KCNB2: variants seen among roughly 807,000 people sequenced by gnomAD.
The protein encoded by KCNB2 is delayed rectifier potassium channel protein.
A neutral mutation model predicts 61.5 loss-of-function variants in KCNB2; 15 were observed. That is an observed-to-expected ratio of 0.24 (90% CI 0.16 to 0.38). KCNB2 has a LOEUF of 0.38. KCNB2 is among the 10% of genes least tolerant of loss of function. The pLI is 1.00. For synonymous variants in KCNB2, 457 were observed against 446.0 expected, an observed-to-expected ratio of 1.02 and a Z score of -0.31; for missense variants, 828 against 1,125.2, an observed-to-expected ratio of 0.74 and a Z score of 3.78.
At chr8:72,718,231 T>A (rs1041772880) in intron 2 of KCNB2, among the ~76,000 whole-genome samples, 1 of 152,170 alleles carries the variant, frequency 6.6e-6, no homozygotes, top group Non-Finnish European at 1.5e-5. Flanking sequence ...GTAAACTAGT[T>A]CAACTATTGT....
chr8:72,788,980 A>T (rs1052096242), intron 2 of KCNB2, among the ~76,000 whole-genome samples: 2 of 152,160 alleles, frequency 1.3e-5, no homozygotes, highest in Admixed American at 6.5e-5. Context: ...TTCATTAAAA[A>T]TGTATTGATT....
chr8:72,827,992 T>C (rs1342366790), intron 2 of KCNB2, among the ~76,000 whole-genome samples: 1 of 152,078 alleles, frequency 6.6e-6, no homozygotes, highest in Non-Finnish European at 1.5e-5. Flanking sequence ...TTTGTATTTT[T>C]AGTAGAGACG....
chr8:72,840,642 A>G (rs566841970), intron 2 of KCNB2, among the ~76,000 whole-genome samples: 2 of 152,256 alleles, frequency 1.3e-5, no homozygotes, highest in South Asian at 2.1e-4. Flanking sequence ...TTTGATTTGC[A>G]TTTCTCTAAT....
chr8:72,788,742 A>G (rs1808885072), intron 2 of KCNB2, among the ~76,000 whole-genome samples: 1 of 152,168 alleles, frequency 6.6e-6, no homozygotes, highest in Non-Finnish European at 1.5e-5. Context: ...ACCATTCACT[A>G]TATGAAATTG....
chr8:72,551,054 G>GTGAT (rs1806338126), intron 1 of KCNB2, among the ~76,000 whole-genome samples: 2 of 152,128 alleles, frequency 1.3e-5, no homozygotes, highest in Non-Finnish European at 2.9e-5. Context: ...GGAAGACAGG[G>GTGAT]TGATGTTCAC....
intron 1 of KCNB2, among the ~76,000 whole-genome samples, chr8:72,540,523 T>G (rs1380788375): frequency 2.6e-5 from 4 of 152,154 alleles, no homozygotes; most frequent in Non-Finnish European, 5.9e-5. Context: ...TTGTTTGTTT[T>G]TTTTAAGGCT....
intron 2 of KCNB2, among the ~76,000 whole-genome samples, chr8:72,925,238 G>A (rs1806617707): frequency 6.6e-6 from 1 of 152,178 alleles, no homozygotes; most frequent in Non-Finnish European, 1.5e-5. Context: ...CCGACTAGGT[G>A]TCCAAGGAAC....
chr8:72,718,268 G>C (rs1156651921), intron 2 of KCNB2, among the ~76,000 whole-genome samples: 1 of 152,148 alleles, frequency 6.6e-6, no homozygotes, highest in East Asian at 1.9e-4. Context: ...ATTCCTCAGG[G>C]ATCTAGAACT....
chr8:72,823,996 C>G (rs1279411059), intron 2 of KCNB2, among the ~76,000 whole-genome samples: 1 of 152,154 alleles, frequency 6.6e-6, no homozygotes, highest in Non-Finnish European at 1.5e-5. Context: ...TCACAATAAG[C>G]CTTTTTTAAA....
chr8:72,676,556 T>G (rs1396473324), intron 2 of KCNB2, among the ~76,000 whole-genome samples: 1 of 150,878 alleles, frequency 6.6e-6, no homozygotes. Context: ...ACTCCTTAAT[T>G]CTTAGATTGT....
At chr8:72,676,906 T>TGG (rs1174673150) in intron 2 of KCNB2, among the ~76,000 whole-genome samples, 1 of 152,168 alleles carries the variant, frequency 6.6e-6, no homozygotes, top group Non-Finnish European at 1.5e-5. Context: ...TATTAAGGGC[T>TGG]GAATTTTGTC....
At chr8:72,771,338 A>G (rs1216694633) in intron 2 of KCNB2, among the ~76,000 whole-genome samples, 1 of 152,216 alleles carries the variant, frequency 6.6e-6, no homozygotes, top group Non-Finnish European at 1.5e-5. Flanking sequence ...GCCTGCCTGC[A>G]GATAAAGTGA....
chr8:72,614,934 G>A (rs1437026796), intron 2 of KCNB2, among the ~76,000 whole-genome samples: 6 of 152,054 alleles, frequency 3.9e-5, no homozygotes, highest in Admixed American at 2.6e-4. Flanking sequence ...TATCAAACAA[G>A]CAGAGGCTAT....
intron 2 of KCNB2, among the ~76,000 whole-genome samples, chr8:72,766,542 CA>C (rs1808462447): frequency 1.3e-5 from 2 of 152,248 alleles, no homozygotes; most frequent in South Asian, 4.1e-4. Context: ...TGAGATTTCC[CA>C]AACAGTTTCA....
At position 72,567,640 on chromosome 8, in the gene KCNB2, A is replaced by G; in HGVS notation, c.-93-2A>G. The G allele has an allele frequency of 1.3e-6, 1 of 786,444 alleles. No homozygotes were observed. Among genetic ancestry groups the G allele is most frequent in the Non-Finnish European group, 2.0e-6 (1 of 493,056 alleles). The allele number at this position is 786,444 out of a possible 1,614,324, so 48.7% of individuals were successfully genotyped here. ...AACCAAGTGATTGTTGCTTTCTTCCAGCTTTGTCAGTGGAAATGCCTGCCC... is the reference window on the plus strand; with the variant it reads ...AACCAAGTGATTGTTGCTTTCTTCCGGCTTTGTCAGTGGAAATGCCTGCCC... On this transcript the variant is annotated splice_acceptor_variant, in intron 1 of 2. Transcript: ENST00000523207. LOFTEE classifies it low-confidence loss of function (5UTR_SPLICE).
chr8:72,818,977 G>T (rs2919404), intron 2 of KCNB2, among the ~76,000 whole-genome samples: 13,952 of 152,090 alleles, frequency 0.092, 1,142 homozygotes, highest in East Asian at 0.48. Context: ...TCGTGTCTCA[G>T]ATTCACCATT....
In KCNB2 at chr8:72,936,714, C is replaced by G; in HGVS notation, c.1359C>G (p.Asn453Lys). 1 of 1,614,168 alleles carries G rather than the reference C, an allele frequency of 6.2e-7. No individual in the cohort carries two copies. Among genetic ancestry groups the G allele is most frequent in the Non-Finnish European group, 8.5e-7 (1 of 1,180,030 alleles). ...AKRNGSIVSM[N>K]LKDAFARSME... Reference sequence around the variant, plus strand: ...GGAACGGAAGCATCGTTTCTATGAACTTAAAAGATGCCTTCGCTCGAAGTA... The same window carrying G: ...GGAACGGAAGCATCGTTTCTATGAAGTTAAAAGATGCCTTCGCTCGAAGTA... Residue 453 changes from asparagine (N) to lysine (K), a missense_variant, in exon 3 of 3, where the codon AAC (asparagine) becomes AAG (lysine). Transcript: ENST00000523207. This position sits in a 1 kb window ranked among gnomAD's most constrained non-coding sequence, Gnocchi z 5.6.
intron 2 of KCNB2, among the ~76,000 whole-genome samples, chr8:72,829,114 C>G (rs1313494938): frequency 6.6e-6 from 1 of 152,142 alleles, no homozygotes; most frequent in Non-Finnish European, 1.5e-5. Context: ...AAAATTATAT[C>G]TTTTGAAAAG....
chr8:72,789,736 G>T (rs1336807239), intron 2 of KCNB2, among the ~76,000 whole-genome samples: 1 of 151,996 alleles, frequency 6.6e-6, no homozygotes, highest in African/African-American at 2.4e-5. Context: ...GCACTCTGAT[G>T]GGTGCCCTAA....
Sources: gnomAD v4.1 joint callset for allele counts (sites outside exome capture counted in the v4.1 genomes callset) on GRCh38, gnomAD v4.1.1 for gene constraint, Gnocchi (gnomAD v3.1) non-coding constraint, MANE v1.5 for transcripts, NCBI Gene and HGNC (gene_info 2026-07-23, HGNC 2026-07-21) for gene names.